ITPR1: variants seen among roughly 807,000 people sequenced by gnomAD.
The protein encoded by ITPR1 is inositol 1,4,5-trisphosphate receptor type 1, also known as inositol 1,4,5-trisphosphate-gated calcium channel ITPR1.
In ITPR1, 96 loss-of-function variants were observed where a neutral mutation model predicts 318.4. The ratio of observed to expected loss-of-function variants is 0.30; its 90% confidence interval spans 0.26 to 0.36. The LOEUF is 0.36. Ranked by LOEUF, ITPR1 falls within the 10% of genes least tolerant of loss-of-function variation. The probability of loss-of-function intolerance (pLI) is 1.00; values close to 1 mark genes in which losing one functional copy is unlikely to be tolerated. For synonymous variants in ITPR1, 1,312 were observed against 1,289.9 expected (o/e 1.02, Z -0.37); for missense variants, 2,440 against 3,460.2 (o/e 0.71, Z 7.40).
intron 20 of ITPR1, among the ~76,000 whole-genome samples, chr3:4,671,232 C>T (rs537284897): frequency 6.6e-6 from 1 of 152,152 alleles, no homozygotes; most frequent in Non-Finnish European, 1.5e-5. Flanking sequence ...GGGGTCACAT[C>T]CCTACCTCTC....
chr3:4,665,367 TTTTTAGTGTCACATGTCTA>T, intron 17 of ITPR1, 71 bp downstream of exon 17: 1 of 1,409,410 alleles, frequency 7.1e-7, no homozygotes, highest in South Asian at 1.3e-5. Flanking sequence ...TCCTCCTGAG[TTTTTAGTGTCACATGTCTA>T]TTTATAGAAT....
chr3:4,768,847 C>T (rs1324621384), intron 46 of ITPR1, 83 bp downstream of exon 46: 2 of 1,331,674 alleles, frequency 1.5e-6, no homozygotes, highest in Non-Finnish European at 2.1e-6. Flanking sequence ...CAGCACCTCT[C>T]ACTTGGGCCA....
At chr3:4,697,439 C>A (rs1387494532) in intron 34 of ITPR1, among the ~76,000 whole-genome samples, 167 bp downstream of exon 34, 2 of 124,452 alleles carry the variant, frequency 1.6e-5, no homozygotes, top group African/African-American at 2.9e-5. Flanking sequence ...ACTTTCTTCT[C>A]ATGTATCCTT....
At chr3:4,768,817 C>A in intron 46 of ITPR1, 53 bp downstream of exon 46, 1 of 1,552,386 alleles carries the variant, frequency 6.4e-7, no homozygotes, top group South Asian at 1.2e-5. Flanking sequence ...GCTGCCAAGG[C>A]CTGCCTTCCT....
intron 52 of ITPR1, among the ~76,000 whole-genome samples, chr3:4,790,672 G>C (rs745546101): frequency 1.4e-4 from 22 of 152,144 alleles, no homozygotes; most frequent in Non-Finnish European, 1.0e-4. Flanking sequence ...TCATTTCGCT[G>C]TTTTACCTTT....
At chr3:4,835,559 C>CGAGT (rs1218104697) in intron 60 of ITPR1, among the ~76,000 whole-genome samples, 6 of 149,844 alleles carry the variant, frequency 4.0e-5, no homozygotes, top group Admixed American at 2.7e-4. Context: ...TCCAGCATTC[C>CGAGT]GAGTGAGTGT....
At chr3:4,513,305 C>T (rs1483023681) in intron 2 of ITPR1, among the ~76,000 whole-genome samples, 1 of 152,160 alleles carries the variant, frequency 6.6e-6, no homozygotes, top group Non-Finnish European at 1.5e-5. Context: ...AAAACCTATC[C>T]TCCTCCCCCC....
intron 2 of ITPR1, among the ~76,000 whole-genome samples, chr3:4,511,759 G>A (rs2081843429): frequency 6.6e-6 from 1 of 152,198 alleles, no homozygotes; most frequent in East Asian, 1.9e-4. Flanking sequence ...TTTGACTCTG[G>A]AGCCTCAGCT....
At chr3:4,841,780 T>A (rs2051362150) in intron 61 of ITPR1, among the ~76,000 whole-genome samples, 2 of 152,186 alleles carry the variant, frequency 1.3e-5, no homozygotes, top group South Asian at 4.1e-4. Context: ...GTTGGCCAGG[T>A]GAAATAGAGA....
intron 4 of ITPR1, among the ~76,000 whole-genome samples, chr3:4,584,655 C>CATTAGTGGGAG (rs1181270714): frequency 1.3e-5 from 2 of 151,954 alleles, no homozygotes; most frequent in African/African-American, 4.8e-5. Flanking sequence ...CGGAGGCTGC[C>CATTAGTGGGAG]ACTCAGTGGG....
At chr3:4,775,784 C>T (rs2046447560) in intron 47 of ITPR1, among the ~76,000 whole-genome samples, 1 of 152,150 alleles carries the variant, frequency 6.6e-6, no homozygotes, top group South Asian at 2.1e-4. Flanking sequence ...ATTTTAAATA[C>T]TAGGGGATTT....
Position 4,697,285 on chromosome 3 carries a change from G to C in ITPR1, c.4407+13G>C. 6.5e-7 allele frequency: 1 copy of C among 1,546,734 alleles called. No individual in the cohort carries two copies. The highest frequency in any genetic ancestry group is 8.7e-7 in the Non-Finnish European group (1 of 1,144,392). On this transcript the variant is annotated intron_variant, in intron 34 of 61. Coordinates refer to ENST00000649015, the MANE Select transcript of ITPR1 (RefSeq NM_001378452.1). ...AGACATCTGCAGGGTAAGGCTTTTG[G>C]AACTGAGGAGGCAGAGTTGGAGAGT...
chr3:4,726,338 A>C (rs994844897), intron 41 of ITPR1, among the ~76,000 whole-genome samples: 1 of 96,114 alleles, frequency 1.0e-5, no homozygotes, highest in Non-Finnish European at 2.9e-5. Flanking sequence ...CCTATGATGC[A>C]GTTAAAAAAA....
At chr3:4,630,359 G>A (rs1361754427) in intron 5 of ITPR1, among the ~76,000 whole-genome samples, 1 of 151,922 alleles carries the variant, frequency 6.6e-6, no homozygotes, top group African/African-American at 2.4e-5. Flanking sequence ...AATCCCAAAT[G>A]TTGAAATCCC....
chr3:4,822,333 G>C (rs771858149), intron 60 of ITPR1, among the ~76,000 whole-genome samples: 7 of 152,226 alleles, frequency 4.6e-5, no homozygotes, highest in Non-Finnish European at 8.8e-5. Context: ...AACTCTGCAA[G>C]ACACCTTGGC....
At chr3:4,731,073 A>G (rs577182817) in intron 42 of ITPR1, among the ~76,000 whole-genome samples, 160 of 152,368 alleles carry the variant, frequency 1.1e-3, no homozygotes, top group Admixed American at 1.5e-3. Context: ...ATGATATTTA[A>G]AAAGGGAAAT....
chr3:4,494,237 G>A (rs1253659969), intron 1 of ITPR1, among the ~76,000 whole-genome samples, 194 bp from the exon 2 acceptor site: 1 of 152,234 alleles, frequency 6.6e-6, no homozygotes, highest in Non-Finnish European at 1.5e-5. Flanking sequence ...GTTACATCCT[G>A]GAAATAAGTA....
chr3:4,658,265 A>C lies in ITPR1; in HGVS notation c.1138A>C (p.Ser380Arg). 6.2e-7 allele frequency: 1 copy of C among 1,611,300 alleles called. No homozygotes were observed. Among genetic ancestry groups the C allele is most frequent in the Non-Finnish European group, 8.5e-7 (1 of 1,178,074 alleles). ...LDPTTLRGGD[S>R]LVPRNSYVRL... is the part of the protein sequence containing the mutation. ...TCCCACCACTCTGCGTGGAGGTGACAGCCTTGTCCCAAGGTATCATTTTAA... is the reference window on the plus strand; with the variant it reads ...TCCCACCACTCTGCGTGGAGGTGACCGCCTTGTCCCAAGGTATCATTTTAA... The change falls in exon 13 of 62, where the codon AGC (serine) becomes CGC (arginine). Residue 380 changes from serine (S) to arginine (R), a missense_variant. Physicochemically the swap from Ser to Arg is moderately radical, Grantham distance 110. Around this residue, in one of 23 missense-constraint regions of ITPR1, gnomAD observed 101 missense variants for 119.6 expected, o/e 0.84. Coordinates refer to ENST00000649015, the MANE Select transcript of ITPR1 (RefSeq NM_001378452.1).
At chr3:4,683,129 A>G (rs1340964677) in intron 26 of ITPR1, among the ~76,000 whole-genome samples, 1 of 152,248 alleles carries the variant, frequency 6.6e-6, no homozygotes, top group African/African-American at 2.4e-5. Context: ...GATGTTGAGA[A>G]TCTAATGCTA....
Sources: gnomAD v4.1 joint callset for allele counts (sites outside exome capture counted in the v4.1 genomes callset) on GRCh38, gnomAD v4.1.1 for gene constraint, gnomAD v4.1.1 regional missense constraint, MANE v1.5 for transcripts, NCBI Gene and HGNC (gene_info 2026-07-23, HGNC 2026-07-21) for gene names.